Variants in RBFOX1 observed in about 807,000 individuals in gnomAD.
RBFOX1 encodes RNA binding fox-1 homolog 1, also known as RNA binding protein fox-1 homolog 1.
A neutral mutation model predicts 57.7 loss-of-function variants in RBFOX1; 8 were observed. The ratio of observed to expected loss-of-function variants is 0.14; its 90% CI spans 0.08 to 0.25. The LOEUF (loss-of-function observed/expected upper bound fraction) is 0.25, where lower values mean the gene tolerates loss of function less well. Ranked by LOEUF, RBFOX1 falls within the 10% of genes least tolerant of loss-of-function variation. RBFOX1 has a pLI of 1.00. For missense variants in RBFOX1, 611 were observed against 548.5 expected, an observed-to-expected ratio of 1.11 and a Z score of -1.14; for synonymous variants, 326 against 222.4, an observed-to-expected ratio of 1.47 and a Z score of -4.15.
intron 4 of RBFOX1, among the ~76,000 whole-genome samples, chr16:5,983,804 G>C (rs1247535823): frequency 6.6e-6 from 1 of 151,668 alleles, no homozygotes; most frequent in Non-Finnish European, 1.5e-5. Context: ...CTGTCGGGGG[G>C]TGTCAGGTCT....
chr16:5,542,121 T>G (rs960371591), intron 2 of RBFOX1, among the ~76,000 whole-genome samples: 4 of 152,132 alleles, frequency 2.6e-5, no homozygotes, highest in African/African-American at 9.7e-5. Context: ...ATGGTAGCCG[T>G]CAGGTCCAGA....
chr16:7,427,265 A>G (rs547475827), intron 4 of RBFOX1, among the ~76,000 whole-genome samples: 2 of 152,162 alleles, frequency 1.3e-5, no homozygotes, highest in South Asian at 4.2e-4. Context: ...AAAGTATAAT[A>G]AAAATTAATA....
chr16:7,627,831 A>T (rs533786210), intron 10 of RBFOX1, among the ~76,000 whole-genome samples: 1 of 152,298 alleles, frequency 6.6e-6, no homozygotes, highest in South Asian at 2.1e-4. Context: ...ATTAAATTGG[A>T]GGATGCTTTT....
chr16:6,685,892 C>G (rs17140911), intron 3 of RBFOX1, among the ~76,000 whole-genome samples: 4,727 of 152,154 alleles, frequency 0.031, 252 homozygotes, highest in African/African-American at 0.11. Context: ...ACTTCATGTC[C>G]TCTTCCATCA....
At chr16:5,550,159 A>G (rs1372307987) in intron 2 of RBFOX1, among the ~76,000 whole-genome samples, 2 of 152,222 alleles carry the variant, frequency 1.3e-5, no homozygotes, top group African/African-American at 4.8e-5. Context: ...TGCAGAACCA[A>G]CTGTGCAGTG....
At chr16:6,385,930 T>A (rs1231644209) in intron 2 of RBFOX1, among the ~76,000 whole-genome samples, 1 of 117,930 alleles carries the variant, frequency 8.5e-6, no homozygotes, top group Non-Finnish European at 1.9e-5. Flanking sequence ...TCATTTCTTT[T>A]TTTTCTTTCT....
rs140586479 is a variant in RBFOX1 at position 7,430,913 on chromosome 16, G to A, written c.28-87234G>A. Among the ~76,000 whole-genome samples the A allele has an allele frequency of 4.1e-3, 622 of 152,314 alleles. 2 individuals carry two copies. Among genetic ancestry groups the A allele is most frequent in the Middle Eastern group, 0.034 (10 of 294 alleles). On this transcript the variant is annotated intron_variant, in intron 4 of 15. Coordinates refer to ENST00000550418, the MANE Select transcript of RBFOX1 (RefSeq NM_018723.4). ...TGTGACTGGAAAAGAACCAGACGTA[G>A]GGATATGCCAAAGAATGTTTGTTTG...
chr16:6,043,109 TTG>T (rs1485897072), intron 1 of RBFOX1, among the ~76,000 whole-genome samples: 1 of 104,962 alleles, frequency 9.5e-6, no homozygotes, highest in Non-Finnish European at 1.8e-5. Context: ...CAGAGCAAGA[TTG>T]TGTTTCCAGA....
chr16:5,661,130 C>A (rs76280634), intron 3 of RBFOX1, among the ~76,000 whole-genome samples: 1 of 152,172 alleles, frequency 6.6e-6, no homozygotes, highest in Non-Finnish European at 1.5e-5. Context: ...GGCCTCCTGT[C>A]TTTCCTCACT....
intron 1 of RBFOX1, among the ~76,000 whole-genome samples, chr16:6,182,318 TAA>T (rs1037783062): frequency 1.8e-4 from 27 of 152,232 alleles, no homozygotes; most frequent in African/African-American, 6.5e-4. Flanking sequence ...CTCACTTTCA[TAA>T]AGTGTTGCTT....
intron 5 of RBFOX1, among the ~76,000 whole-genome samples, chr16:7,547,686 T>C (rs1416569573): frequency 6.6e-6 from 1 of 152,214 alleles, no homozygotes; most frequent in Admixed American, 6.5e-5. Context: ...TTTAAATATT[T>C]TATTTTCGTG....
At position 7,032,583 on chromosome 16, in the gene RBFOX1, G is replaced by T. The variant is rs1171751041; in HGVS notation, c.-15-19474G>T. ...CATCTCCCCATCTACAGCTATTTCT[G>T]TTTGTTTGTTTGTTTGTTTGTTTGT... On this transcript the variant is annotated intron_variant, in intron 3 of 15. Coordinates refer to ENST00000550418, the MANE Select transcript of RBFOX1 (RefSeq NM_018723.4). Among the ~76,000 whole-genome samples the T allele has an allele frequency of 2.8e-3, 38 of 13,370 alleles. No homozygotes were observed. In the Admixed American group the frequency reaches 0.03, roughly 11 times the overall value. The allele number at this position is 13,370 out of a possible 152,430, so 8.8% of individuals were successfully genotyped here. A position where few individuals can be genotyped will look rare whatever the true frequency, so the allele number is the denominator to read the frequency against.
chr16:6,402,546 A>G (rs1356464291), intron 2 of RBFOX1, among the ~76,000 whole-genome samples: 2 of 152,202 alleles, frequency 1.3e-5, no homozygotes, highest in African/African-American at 4.8e-5. Context: ...ATGAAAGCAA[A>G]GTACTGCTTT....
intron 1 of RBFOX1, among the ~76,000 whole-genome samples, chr16:5,243,950 G>A (rs947262065): frequency 1.3e-5 from 2 of 151,992 alleles, no homozygotes; most frequent in African/African-American, 2.4e-5. Context: ...AGGCTGGAGT[G>A]CAGTGGCATG....
chr16:5,318,394 G>T (rs1227958235), intron 1 of RBFOX1, among the ~76,000 whole-genome samples: 1 of 152,116 alleles, frequency 6.6e-6, no homozygotes, highest in African/African-American at 2.4e-5. Flanking sequence ...CTCCCAAAGG[G>T]CTGGGATTAC....
chr16:5,776,518 A>C (rs1230006190), intron 3 of RBFOX1, among the ~76,000 whole-genome samples: 1 of 152,188 alleles, frequency 6.6e-6, no homozygotes, highest in Admixed American at 6.5e-5. Context: ...AATAATAATA[A>C]GGGTTGGTAT....
chr16:6,948,642 A>C (rs766078878), intron 3 of RBFOX1, among the ~76,000 whole-genome samples: 1 of 151,846 alleles, frequency 6.6e-6, no homozygotes, highest in Non-Finnish European at 1.5e-5. Context: ...TTGGCCTCCC[A>C]AAGTGCTGGG....
chr16:7,551,396 G>T (rs1028320944), intron 5 of RBFOX1, among the ~76,000 whole-genome samples: 2 of 152,154 alleles, frequency 1.3e-5, no homozygotes, highest in South Asian at 2.1e-4. Context: ...CCTTGAGAGG[G>T]TCTCTAAGCC....
chr16:5,440,494 T>C (rs150636699), intron 1 of RBFOX1, among the ~76,000 whole-genome samples: 1 of 152,350 alleles, frequency 6.6e-6, no homozygotes, highest in East Asian at 1.9e-4. Context: ...CTTTTTTGAC[T>C]TGCATTGGAG....
Sources: gnomAD v4.1 joint callset for allele counts (sites outside exome capture counted in the v4.1 genomes callset) on GRCh38, gnomAD v4.1.1 for gene constraint, MANE v1.5 for transcripts, NCBI Gene and HGNC (gene_info 2026-07-23, HGNC 2026-07-21) for gene names.